PPP1R9B: variants seen among roughly 807,000 people sequenced by gnomAD.
PPP1R9B encodes the protein neurabin-2.
Under a neutral mutation model 75.8 loss-of-function variants are expected in PPP1R9B, and 17 were observed. The observed-to-expected ratio is 0.22, with a 90% CI of 0.15 to 0.34. The LOEUF is 0.34. Among genes scored for constraint, PPP1R9B ranks in the 10% least tolerant of loss-of-function variants. The pLI, the probability that PPP1R9B is intolerant of heterozygous loss-of-function variation, is 1.00. For missense variants in PPP1R9B, 875 were observed against 1,196.0 expected, an observed-to-expected ratio of 0.73 and a Z score of 3.96; for synonymous variants, 509 against 535.4, an observed-to-expected ratio of 0.95 and a Z score of 0.68.
intron 1 of PPP1R9B, among the ~76,000 whole-genome samples, chr17:50,148,177 G>A (rs927061804): frequency 3.3e-5 from 5 of 152,318 alleles, no homozygotes; most frequent in South Asian, 2.1e-4. Context: ...TCCCCATCAG[G>A]GCTGTTCTGA....
Position 50,149,943 on chromosome 17 carries a change from C to G in PPP1R9B, c.571G>C (p.Gly191Arg). Residue 191 changes from glycine (G) to arginine (R), a missense_variant, in exon 1 of 10, where the codon GGC becomes CGC. Gly to Arg is a moderately radical substitution (Grantham distance 125, BLOSUM62 -2). This residue lies in a region of PPP1R9B where 449 missense variants were observed against 475.0 expected (regional missense o/e 0.95). Transcript: ENST00000612501. The surrounding 1 kb of genome is among the most constrained non-coding windows in gnomAD (Gnocchi z 7.2). ...RKLDVVVRFN[G>R]STEALDKLDA... ...AGCTTGTCCAGCGCCTCGGTGCTGCCGTTGAAGCGCACCACGACGTCCAGC... is the reference window on the plus strand; with the variant it reads ...AGCTTGTCCAGCGCCTCGGTGCTGCGGTTGAAGCGCACCACGACGTCCAGC... 3 of 1,514,794 alleles carry G rather than the reference C, an allele frequency of 2.0e-6. No individual in the cohort carries two copies. Among genetic ancestry groups the G allele is most frequent in the Non-Finnish European group, 2.6e-6 (3 of 1,139,226 alleles). 93.8% of individuals were successfully genotyped at this position (1,514,794 alleles called of 1,614,324 possible).
At chr17:50,145,338 C>T (rs1306762410) in intron 1 of PPP1R9B, 93 bp from the exon 2 acceptor site, 1 of 1,472,546 alleles carries the variant, frequency 6.8e-7, no homozygotes, top group African/African-American at 1.4e-5. Context: ...AGTTACCCAC[C>T]CCATGCCTCC....
intron 1 of PPP1R9B, among the ~76,000 whole-genome samples, chr17:50,146,360 G>A (rs563315895): frequency 1.3e-5 from 2 of 152,148 alleles, no homozygotes; most frequent in African/African-American, 2.4e-5. Flanking sequence ...GCGGGGGCGG[G>A]GAGGGATGGG....
rs961445606 is a variant in PPP1R9B at position 50,139,822 on chromosome 17, C to T, written c.1867-241G>A. Among the ~76,000 whole-genome samples the T allele has an allele frequency of 2.6e-5, 4 of 152,208 alleles. No individual in the cohort carries two copies. Among genetic ancestry groups the T allele is most frequent in the Non-Finnish European group, 1.5e-5 (1 of 68,032 alleles). On this transcript the variant is annotated intron_variant, in intron 5 of 9. Transcript: ENST00000612501. This position sits in a 1 kb window ranked among gnomAD's most constrained non-coding sequence, Gnocchi z 5.0. ...TCAGCCTGGGTCTCTGAAGAAACAG[C>T]CTGTACTATCTTTCCCCTTCTGGAT...
chr17:50,137,246 A>T (rs1912254603), intron 7 of PPP1R9B: 1 of 152,424 alleles, frequency 6.6e-6, no homozygotes, highest in Non-Finnish European at 1.5e-5. Flanking sequence ...CACCCGAATC[A>T]GGTTCCTCCT....
chr17:50,135,247 G>T lies in PPP1R9B; in HGVS notation c.*84C>A. 2 of 1,180,464 alleles carry T rather than the reference G, an allele frequency of 1.7e-6. No individual in the cohort carries two copies. The highest frequency in any genetic ancestry group is 3.4e-5 in the Admixed American group (2 of 58,824). 73.1% of individuals were successfully genotyped at this position (1,180,464 alleles called of 1,614,324 possible). On this transcript the variant is annotated 3_prime_UTR_variant, in exon 10 of 10. Coordinates refer to ENST00000612501, the MANE Select transcript of PPP1R9B (RefSeq NM_032595.5). ...CGGGGCACCTGTCCCCAGGCTGGAA[G>T]GGGGAGGGGTGGGGTGTTGAGGACA...
In PPP1R9B at chr17:50,142,817, T is replaced by G. The variant is rs1161140296; in HGVS notation, c.1625+781A>C. Among the ~76,000 whole-genome samples, 4 of 152,146 alleles carry G rather than the reference T, an allele frequency of 2.6e-5. No homozygotes were observed. The highest frequency in any genetic ancestry group is 6.5e-5 in the Admixed American group (1 of 15,286). ...AGAACTCACCCCTTGCAACCACAGA[T>G]GCTCAATACAGGCACACACACTCAC... On this transcript the variant is annotated intron_variant, in intron 3 of 9. Coordinates refer to ENST00000612501, the MANE Select transcript of PPP1R9B (RefSeq NM_032595.5). The surrounding 1 kb of genome is among the most constrained non-coding windows in gnomAD (Gnocchi z 4.1).
intron 7 of PPP1R9B, among the ~76,000 whole-genome samples, chr17:50,138,883 G>A (rs917609272): frequency 6.6e-6 from 1 of 152,240 alleles, no homozygotes; most frequent in Non-Finnish European, 1.5e-5. Context: ...GCCTCCCAAA[G>A]TGCTGAGATT....
rs1373062913 is a variant in PPP1R9B, at chr17:50,149,698, G to A, written c.816C>T (p.Cys272=). The change falls in exon 1 of 10, where the codon TGC becomes TGT. Residue 272 remains cysteine, a synonymous_variant. Transcript: ENST00000612501. The surrounding 1 kb of genome is among the most constrained non-coding windows in gnomAD (Gnocchi z 7.2). Reference sequence around the variant, plus strand: ...GCTGCGGGGGCTGCTGCCCTGCGGGGCATCGCTCTTTCTCGGCCGGGGCAT... The same window carrying A: ...GCTGCGGGGGCTGCTGCCCTGCGGGACATCGCTCTTTCTCGGCCGGGGCAT... The part of the protein sequence containing the change: ...SGDAPAEKER[C]PAGQQPPQHR... The A allele has an allele frequency of 7.0e-7, 1 of 1,423,680 alleles. No individual in the cohort carries two copies. The allele number at this position is 1,423,680 out of a possible 1,614,324, so 88.2% of individuals were successfully genotyped here.
In PPP1R9B at chr17:50,150,253, G is replaced by A. The variant is rs1912660149; in HGVS notation, c.261C>T (p.Ser87=). The stretch of plus-strand genomic sequence containing the variant: ...GCAGCGACAGGCGCACGCCGCGCTC[G>A]GACGCCCGTGGGGCCTCGGCCAGGC... ...GAGLAEAPRA[S]ERGVRLSLPR... is the part of the protein sequence containing the mutation. The change falls in exon 1 of 10, where the codon TCC becomes TCT. Residue 87 remains serine, a synonymous_variant. Transcript: ENST00000612501. The surrounding 1 kb of genome is among the most constrained non-coding windows in gnomAD (Gnocchi z 8.7). The A allele has an allele frequency of 1.4e-6, 2 of 1,438,008 alleles. No homozygotes were observed. Among genetic ancestry groups the A allele is most frequent in the Non-Finnish European group, 9.2e-7 (1 of 1,088,468 alleles). The allele number at this position is 1,438,008 out of a possible 1,614,324, so 89.1% of individuals were successfully genotyped here.
Position 50,149,507 on chromosome 17 carries a change from G to A in PPP1R9B, c.1007C>T (p.Ala336Val), listed in dbSNP as rs1305843214. The change falls in exon 1 of 10, where the codon GCA (alanine) becomes GTA (valine). Residue 336 changes from alanine (A) to valine (V), a missense_variant. Transcript: ENST00000612501. The surrounding 1 kb of genome is among the most constrained non-coding windows in gnomAD (Gnocchi z 7.2). ...CTCGGGCGCGGGGCTGGCTGCAGTT[G>A]CCACGGTGCTGCCATTCTCCAGGGC... is the stretch of plus-strand genomic sequence containing the variant. ...HAALENGSTV[A>V]TAASPAPEEP... is the part of the protein sequence containing the mutation. The A allele has an allele frequency of 3.1e-6, 5 of 1,595,476 alleles. No homozygotes were observed. The highest frequency in any genetic ancestry group is 4.3e-6 in the Non-Finnish European group (5 of 1,172,634).
intron 1 of PPP1R9B, among the ~76,000 whole-genome samples, chr17:50,145,700 T>G (rs1912498417): frequency 3.0e-5 from 4 of 134,496 alleles, no homozygotes; most frequent in South Asian, 2.5e-4. Flanking sequence ...GGAGAGAGGA[T>G]GGAGAAGATG....
intron 3 of PPP1R9B, among the ~76,000 whole-genome samples, chr17:50,143,213 A>C (rs1283704158): frequency 2.0e-5 from 3 of 152,132 alleles, no homozygotes; most frequent in Non-Finnish European, 4.4e-5. Flanking sequence ...CCCAGGGCCC[A>C]GCACCGGCCC....
chr17:50,150,296 T>C lies in PPP1R9B; in HGVS notation c.218A>G (p.Glu73Gly), dbSNP rs113699879. ...GGCCAGGCCCGCGCCGCCGCCCGCC[T>C]CGCCCGAGGGCCCCGCCGTCGTGCC... ...QMGTTAGPSG[E>G]AGGGAGLAEA... is the part of the protein sequence containing the mutation. Residue 73 changes from glutamate to glycine, a missense_variant, in exon 1 of 10, where the codon GAG becomes GGG. Physicochemically the swap from Glu to Gly is moderately conservative, Grantham distance 98. This residue lies in a region of PPP1R9B where 145 missense variants were observed against 226.1 expected (regional missense o/e 0.64). Coordinates refer to ENST00000612501, the MANE Select transcript of PPP1R9B (RefSeq NM_032595.5). This position sits in a 1 kb window ranked among gnomAD's most constrained non-coding sequence, Gnocchi z 8.7. 1 of 1,365,690 alleles carries C rather than the reference T, an allele frequency of 7.3e-7. No homozygotes were observed. Among genetic ancestry groups the C allele is most frequent in the Non-Finnish European group, 9.5e-7 (1 of 1,049,310 alleles). The allele number at this position is 1,365,690 out of a possible 1,614,324, so 84.6% of individuals were successfully genotyped here. A position where few individuals can be genotyped will look rare whatever the true frequency, so the allele number is the denominator to read the frequency against.
Position 50,150,148 on chromosome 17 carries a change from G to A in PPP1R9B, c.366C>T (p.Ser122=). 2.1e-6 allele frequency: 3 copies of A among 1,444,018 alleles called. No homozygotes were observed. The highest frequency in any genetic ancestry group is 2.7e-6 in the Non-Finnish European group (3 of 1,101,718). 89.5% of individuals were successfully genotyped at this position (1,444,018 alleles called of 1,614,324 possible). Residue 122 remains serine, a synonymous_variant, in exon 1 of 10, where the codon AGC becomes AGT. Coordinates refer to ENST00000612501, the MANE Select transcript of PPP1R9B (RefSeq NM_032595.5). The surrounding 1 kb of genome is among the most constrained non-coding windows in gnomAD (Gnocchi z 8.7). ...AGGGCGCGGGCTTGGAGTCGAAGCG[G>A]CTCACGCGCTCCGACACGCTGGTGC... ...KLGTSVSERV[S]RFDSKPAPSA... is the part of the protein sequence containing the mutation.
At chr17:50,143,576 C>G in intron 3 of PPP1R9B, 22 bp downstream of exon 3, 2 of 1,613,496 alleles carry the variant, frequency 1.2e-6, no homozygotes, top group Non-Finnish European at 8.5e-7. Flanking sequence ...AAGGGTCAGG[C>G]GAGACTGGGG....
In PPP1R9B at chr17:50,150,629, T is replaced by C; in HGVS notation, c.-116A>G. 9.4e-7 allele frequency: 1 copy of C among 1,064,106 alleles called. No homozygotes were observed. Among genetic ancestry groups the C allele is most frequent in the Non-Finnish European group, 1.2e-6 (1 of 836,440 alleles). The allele number at this position is 1,064,106 out of a possible 1,614,324, so 65.9% of individuals were successfully genotyped here. A position where few individuals can be genotyped will look rare whatever the true frequency, so the allele number is the denominator to read the frequency against. ...CGATAAAAGAAACCCCGAAGGCCTTTTTTAGGGTCCCCCCAAAACCAAGCT... is the reference window on the plus strand; with the variant it reads ...CGATAAAAGAAACCCCGAAGGCCTTCTTTAGGGTCCCCCCAAAACCAAGCT... On this transcript the variant is annotated 5_prime_UTR_variant, in exon 1 of 10. Coordinates refer to ENST00000612501, the MANE Select transcript of PPP1R9B (RefSeq NM_032595.5). The surrounding 1 kb of genome is among the most constrained non-coding windows in gnomAD (Gnocchi z 8.7).
In PPP1R9B at chr17:50,135,972, G is replaced by C. The variant is rs776211825; in HGVS notation, c.2299C>G (p.Gln767Glu). 6.0e-6 allele frequency: 9 copies of C among 1,508,142 alleles called. No homozygotes were observed. In the South Asian group the frequency reaches 1.1e-4, roughly 18 times the overall value. 93.4% of individuals were successfully genotyped at this position (1,508,142 alleles called of 1,614,324 possible). The change falls in exon 8 of 10, where the codon CAG becomes GAG. Residue 767 changes from glutamine to glutamate, a missense_variant. By Grantham distance (29) the Gln-to-Glu change is conservative. Coordinates refer to ENST00000612501, the MANE Select transcript of PPP1R9B (RefSeq NM_032595.5). ...KAKRLIKDYQQKEIEFLKKET... is the reference protein window; with the variant it reads ...KAKRLIKDYQEKEIEFLKKET... ...GCCCAGCCCCCAGCCACGTACTTCT[G>C]CTGGTAGTCCTTGATGAGGCGCTTG...
intron 1 of PPP1R9B, 95 bp from the exon 2 acceptor site, chr17:50,145,340 C>T: frequency 6.8e-7 from 1 of 1,479,456 alleles, no homozygotes; most frequent in Non-Finnish European, 9.3e-7. Flanking sequence ...TTACCCACCC[C>T]ATGCCTCCCC....
Sources: allele counts gnomAD v4.1 joint callset (sites outside exome capture counted in the v4.1 genomes callset), GRCh38; gene constraint gnomAD v4.1.1; regional missense constraint gnomAD v4.1.1; non-coding constraint Gnocchi (gnomAD v3.1); transcripts MANE v1.5; gene names NCBI Gene and HGNC (gene_info 2026-07-23, HGNC 2026-07-21).